Variants in HYDIN observed in about 807,000 individuals in gnomAD.
HYDIN encodes HYDIN axonemal central pair apparatus protein.
A neutral mutation model predicts 403.9 loss-of-function variants in HYDIN; 132 were observed. The observed-to-expected ratio is 0.33, with a 90% confidence interval of 0.28 to 0.38. The LOEUF (loss-of-function observed/expected upper bound fraction) is 0.38. Among genes scored for constraint, HYDIN ranks in the 10% least tolerant of loss-of-function variants. The probability of loss-of-function intolerance (pLI) is 1.00; values close to 1 mark genes in which losing one functional copy is unlikely to be tolerated. For missense variants in HYDIN, 2,827 were observed against 5,009.5 expected (o/e 0.56, Z 13.15); for synonymous variants, 1,202 against 1,891.7 (o/e 0.64, Z 9.46).
In HYDIN at chr16:71,178,919, C is replaced by T. The variant is rs2086791804; in HGVS notation, c.381+9G>A. The T allele has an allele frequency of 1.2e-6, 2 of 1,608,644 alleles. No homozygotes were observed. The highest frequency in any genetic ancestry group is 1.3e-5 in the African/African-American group (1 of 74,746). On this transcript the variant is annotated intron_variant, in intron 4 of 85. Transcript: ENST00000393567. ...GGAACAGTTCACCCACCCCAGTGAA[C>T]ATACTCACTTTGTCATTGTTCCTCA... is the stretch of plus-strand genomic sequence containing the variant.
At chr16:70,933,109 G>A (rs2077397196) in intron 45 of HYDIN, among the ~76,000 whole-genome samples, 2 of 151,740 alleles carry the variant, frequency 1.3e-5, no homozygotes, top group Non-Finnish European at 2.9e-5. Context: ...ACCAGGGGGT[G>A]TGATGATGGA....
intron 23 of HYDIN, among the ~76,000 whole-genome samples, chr16:70,995,216 T>C: frequency 6.6e-6 from 1 of 152,224 alleles, no homozygotes; most frequent in Non-Finnish European, 1.5e-5. Context: ...TAGAGTTTTT[T>C]TGGATCAGAT....
At chr16:70,844,727 T>C (rs891058960) in intron 75 of HYDIN, among the ~76,000 whole-genome samples, 6 of 131,796 alleles carry the variant, frequency 4.6e-5, no homozygotes, top group African/African-American at 1.8e-4. Flanking sequence ...CCTTGAGCAG[T>C]GGTTTGTAGT....
intron 8 of HYDIN, among the ~76,000 whole-genome samples, chr16:71,130,636 C>T (rs1391190363): frequency 3.0e-4 from 45 of 151,302 alleles, no homozygotes; most frequent in Non-Finnish European, 5.6e-4. Flanking sequence ...TACAGGCGCC[C>T]GCCACCGCGC....
At chr16:70,864,103 G>A (rs1201159281) in intron 67 of HYDIN, among the ~76,000 whole-genome samples, 17 of 152,222 alleles carry the variant, frequency 1.1e-4, no homozygotes, top group African/African-American at 4.1e-4. Context: ...GGCCAGGGCA[G>A]GTGGATCACC....
At chr16:70,964,602 A>G in intron 37 of HYDIN, 126 bp downstream of exon 37, 5 of 600,234 alleles carry the variant, frequency 8.3e-6, no homozygotes, top group Non-Finnish European at 1.5e-5. Flanking sequence ...AATAAAATAC[A>G]CAAGGCAGGC....
At chr16:70,884,211 G>T (rs569133881) in intron 58 of HYDIN, 87 bp from the exon 59 acceptor site, 44 of 1,251,260 alleles carry the variant, frequency 3.5e-5, no homozygotes, top group Non-Finnish European at 4.4e-5. Flanking sequence ...GGTGTGGAGA[G>T]GGGGAGGGAC....
At chr16:71,126,787 T>C (rs896968109) in intron 9 of HYDIN, among the ~76,000 whole-genome samples, 2 of 152,204 alleles carry the variant, frequency 1.3e-5, no homozygotes, top group African/African-American at 4.8e-5. Flanking sequence ...TTCCACTTAA[T>C]TAAATCTTAC....
At chr16:71,196,329 T>G (rs1305057212) in intron 1 of HYDIN, among the ~76,000 whole-genome samples, 2 of 152,116 alleles carry the variant, frequency 1.3e-5, no homozygotes, top group Non-Finnish European at 2.9e-5. Context: ...CCAATATGAG[T>G]GAGCAGCATC....
intron 75 of HYDIN, among the ~76,000 whole-genome samples, chr16:70,844,960 T>C (rs1341020362): frequency 7.9e-5 from 10 of 127,194 alleles, no homozygotes; most frequent in East Asian, 2.2e-4. Flanking sequence ...TGGGGTTTTC[T>C]AGATATACAA....
rs2036615729 is a variant in HYDIN, at chr16:70,826,715, C to G, written c.14427+546G>C. Among the ~76,000 whole-genome samples the G allele has an allele frequency of 2.2e-5, 3 of 139,408 alleles. 1 individual carries two copies. The highest frequency in any genetic ancestry group is 6.2e-5 in the African/African-American group (2 of 32,502). 91.5% of individuals were successfully genotyped at this position (139,408 alleles called of 152,430 possible). A position where few individuals can be genotyped will look rare whatever the true frequency, so the allele number is the denominator to read the frequency against. On this transcript the variant is annotated intron_variant, in intron 83 of 85. Transcript: ENST00000393567. ...ATGCGTCTTGCCAGCATCTCTCTCT[C>G]TCTCTCTCTCTCTCTCTCTCTCTCT...
intron 9 of HYDIN, among the ~76,000 whole-genome samples, chr16:71,120,601 T>C (rs1313343285): frequency 6.6e-6 from 1 of 151,738 alleles, no homozygotes; most frequent in Non-Finnish European, 1.5e-5. Flanking sequence ...TTACAGGGGA[T>C]CTTTAAAAAA....
intron 45 of HYDIN, among the ~76,000 whole-genome samples, chr16:70,930,893 A>C (rs2077300563): frequency 6.6e-6 from 1 of 152,226 alleles, no homozygotes; most frequent in South Asian, 2.1e-4. Flanking sequence ...ATTACTTGTC[A>C]TATGAAGAGT....
chr16:71,050,936 TATA>T (rs751599459), intron 18 of HYDIN, among the ~76,000 whole-genome samples: 30 of 146,122 alleles, frequency 2.1e-4, no homozygotes, highest in Non-Finnish European at 3.7e-4. Context: ...TCCTACTTTA[TATA>T]ATGATTATAT....
At chr16:71,218,384 A>T (rs551203589) in intron 1 of HYDIN, among the ~76,000 whole-genome samples, 1 of 152,324 alleles carries the variant, frequency 6.6e-6, no homozygotes, top group African/African-American at 2.4e-5. Flanking sequence ...GCAGAATACT[A>T]ATCTACTGGA....
intron 23 of HYDIN, among the ~76,000 whole-genome samples, chr16:71,017,290 C>T (rs2080294691): frequency 6.7e-6 from 1 of 148,232 alleles, no homozygotes. Context: ...GCAGAGGTTG[C>T]AGTGAGCCCA....
chr16:71,063,832 C>G (rs2082168431), intron 16 of HYDIN, among the ~76,000 whole-genome samples: 1 of 151,964 alleles, frequency 6.6e-6, no homozygotes, highest in African/African-American at 2.4e-5. Context: ...GAACATGGTG[C>G]TTTTTCGTCT....
At chr16:71,051,881 CA>C (rs1249644742) in intron 18 of HYDIN, among the ~76,000 whole-genome samples, 1 of 151,978 alleles carries the variant, frequency 6.6e-6, no homozygotes, top group Non-Finnish European at 1.5e-5. Flanking sequence ...AAAGCTGACA[CA>C]AGAAAATTCA....
At chr16:71,078,895 G>A (rs560841690) in intron 13 of HYDIN, among the ~76,000 whole-genome samples, 368 of 152,266 alleles carry the variant, frequency 2.4e-3, no homozygotes, top group African/African-American at 8.3e-3. Context: ...AGGAAGTAAC[G>A]AAATCCCTAA....
Sources: gnomAD v4.1 joint callset for allele counts (sites outside exome capture counted in the v4.1 genomes callset) on GRCh38, gnomAD v4.1.1 for gene constraint, MANE v1.5 for transcripts, NCBI Gene and HGNC (gene_info 2026-07-23, HGNC 2026-07-21) for gene names.